Variants in NELL2 observed in about 807,000 individuals in gnomAD.
The protein encoded by NELL2 is neural EGFL like 2.
A neutral mutation model predicts 109.6 loss-of-function variants in NELL2; 41 were observed. The ratio of observed to expected loss-of-function variants is 0.37; its 90% confidence interval spans 0.29 to 0.49. NELL2 has a LOEUF of 0.49. NELL2 is among the 20% of genes least tolerant of loss of function. The pLI, the probability that NELL2 is intolerant of heterozygous loss-of-function variation, is 0.98. For synonymous variants in NELL2, 355 were observed against 344.7 expected, an observed-to-expected ratio of 1.03 and a Z score of -0.33; for missense variants, 900 against 1,008.3, an observed-to-expected ratio of 0.89 and a Z score of 1.45.
At chr12:44,674,602 T>C (rs892540643) in intron 12 of NELL2, among the ~76,000 whole-genome samples, 2 of 152,208 alleles carry the variant, frequency 1.3e-5, no homozygotes, top group Non-Finnish European at 2.9e-5. Context: ...TGTGAATGTA[T>C]TTAAATGACC....
chr12:44,600,184 T>C (rs1945163325), intron 15 of NELL2, among the ~76,000 whole-genome samples: 1 of 136,126 alleles, frequency 7.3e-6, no homozygotes. Flanking sequence ...TTATTTATTG[T>C]ATTTTTAGTA....
At chr12:44,803,535 C>T (rs1451486289) in intron 3 of NELL2, among the ~76,000 whole-genome samples, 1 of 151,786 alleles carries the variant, frequency 6.6e-6, no homozygotes, top group African/African-American at 2.4e-5. Context: ...TTAGGGAGTT[C>T]GGGAATCTGT....
At chr12:44,843,180 G>C (rs1370287254) in intron 2 of NELL2, among the ~76,000 whole-genome samples, 1 of 137,990 alleles carries the variant, frequency 7.2e-6, no homozygotes, top group African/African-American at 2.7e-5. Flanking sequence ...ACTAGAATAT[G>C]AAAAAAAAAC....
At chr12:44,805,959 A>G (rs1488364189) in intron 3 of NELL2, among the ~76,000 whole-genome samples, 1 of 151,852 alleles carries the variant, frequency 6.6e-6, no homozygotes, top group Non-Finnish European at 1.5e-5. Context: ...AATTTCTCAT[A>G]CAAGATTTTC....
intron 15 of NELL2, among the ~76,000 whole-genome samples, chr12:44,548,191 A>C (rs1288442360): frequency 6.6e-6 from 1 of 152,170 alleles, no homozygotes; most frequent in Non-Finnish European, 1.5e-5. Context: ...ATGCATTTGG[A>C]TTAACATATG....
chr12:44,584,909 G>C (rs2136216091), intron 15 of NELL2, among the ~76,000 whole-genome samples: 1 of 152,158 alleles, frequency 6.6e-6, no homozygotes. Flanking sequence ...ATTGCTTGTG[G>C]AGCAAAATGA....
At chr12:44,876,443 G>T, upstream of NELL2, 2 of 1,290,624 alleles carry the variant, frequency 1.5e-6, no homozygotes, top group South Asian at 5.2e-5. Context: ...TCGGTCTCCC[G>T]CACGGTCTCC....
At chr12:44,584,053 C>T (rs907499194) in intron 15 of NELL2, among the ~76,000 whole-genome samples, 9 of 152,258 alleles carry the variant, frequency 5.9e-5, no homozygotes, top group Admixed American at 2.6e-4. Context: ...GGATTACAGG[C>T]GTGAGCAACA....
At chr12:44,906,611 A>G (rs1307223724) in intron 1 of NELL2, among the ~76,000 whole-genome samples, 1 of 151,994 alleles carries the variant, frequency 6.6e-6, no homozygotes, top group Non-Finnish European at 1.5e-5. Context: ...GAGATATGAG[A>G]GAAAAAGAGG....
rs559460952 is a variant in NELL2, at chr12:44,580,957, C to A, written c.1663+26212G>T. ...ATCAGTATAGAAAATAATATGATTG[C>A]AAAATAGTCAATAAAGTAAAACATG... is the stretch of plus-strand genomic sequence containing the variant. On this transcript the variant is annotated intron_variant, in intron 15 of 19. Transcript: ENST00000429094. 2.4e-4 allele frequency among the ~76,000 whole-genome samples: 36 copies of A among 152,126 alleles called. 1 individual carries two copies. The highest frequency in any genetic ancestry group is 2.4e-3 in the Admixed American group (36 of 15,280).
intron 2 of NELL2, among the ~76,000 whole-genome samples, chr12:44,850,701 T>A (rs1246724991): frequency 6.6e-6 from 1 of 152,108 alleles, no homozygotes. Flanking sequence ...CATTGCAAAA[T>A]CTGCCAAACT....
intron 13 of NELL2, among the ~76,000 whole-genome samples, chr12:44,628,759 T>C (rs1213011881): frequency 1.3e-5 from 2 of 152,150 alleles, no homozygotes. Context: ...ACCCGCCAGA[T>C]GGTAGACAAT....
chr12:44,639,408 G>A (rs906089510), intron 13 of NELL2, among the ~76,000 whole-genome samples: 5 of 152,154 alleles, frequency 3.3e-5, no homozygotes, highest in South Asian at 2.1e-4. Context: ...CACTCCACCC[G>A]CAGCGCACTC....
intron 1 of NELL2, among the ~76,000 whole-genome samples, chr12:44,891,734 T>C (rs988180342): frequency 6.6e-6 from 1 of 152,170 alleles, no homozygotes; most frequent in African/African-American, 2.4e-5. Flanking sequence ...CTTAGTCATA[T>C]GATTAAGGGC....
intron 13 of NELL2, among the ~76,000 whole-genome samples, chr12:44,641,784 C>A (rs1466328004): frequency 2.1e-5 from 3 of 145,134 alleles, no homozygotes; most frequent in Non-Finnish European, 4.5e-5. Flanking sequence ...GCAACCTCTG[C>A]CTCTCGGGTT....
At chr12:44,676,738 T>A (rs1025184303) in intron 12 of NELL2, among the ~76,000 whole-genome samples, 6 of 151,942 alleles carry the variant, frequency 3.9e-5, no homozygotes, top group African/African-American at 1.5e-4. Context: ...AATAGAGACA[T>A]GCACTAGGAA....
At chr12:44,653,542 C>A (rs746205172) in intron 13 of NELL2, among the ~76,000 whole-genome samples, 1 of 152,108 alleles carries the variant, frequency 6.6e-6, no homozygotes, top group African/African-American at 2.4e-5. Context: ...TTTTGCAAAT[C>A]ATTTTTTAAA....
chr12:44,848,532 C>A (rs1449279523), intron 2 of NELL2, among the ~76,000 whole-genome samples: 1 of 152,092 alleles, frequency 6.6e-6, no homozygotes, highest in African/African-American at 2.4e-5. Flanking sequence ...CAGGACAAGA[C>A]CCTCTTCTTC....
chr12:44,800,377 G>C (rs1310515897), intron 3 of NELL2, among the ~76,000 whole-genome samples: 2 of 151,288 alleles, frequency 1.3e-5, no homozygotes, highest in African/African-American at 2.4e-5. Flanking sequence ...ATTGAGACGA[G>C]AGAGAGAGAG....
Sources: gnomAD v4.1 joint callset for allele counts (sites outside exome capture counted in the v4.1 genomes callset) on GRCh38, gnomAD v4.1.1 for gene constraint, MANE v1.5 for transcripts, NCBI Gene and HGNC (gene_info 2026-07-23, HGNC 2026-07-21) for gene names.